The following KIF3A variants were observed in gnomAD, a reference collection of about 807,000 sequenced individuals.
KIF3A encodes kinesin-like protein KIF3A.
In KIF3A, 27 loss-of-function variants were observed where a neutral mutation model predicts 92.6. That is an observed-to-expected ratio of 0.29 (90% CI 0.21 to 0.40). The LOEUF (loss-of-function observed/expected upper bound fraction) is 0.40, where lower values mean the gene tolerates loss of function less well. Among genes scored for constraint, KIF3A ranks in the 10% least tolerant of loss-of-function variants. KIF3A has a pLI of 1.00. For synonymous variants in KIF3A, 250 were observed against 275.4 expected (o/e 0.91, Z 0.92); for missense variants, 581 against 872.6 (o/e 0.67, Z 4.21).
chr5:132,696,663 C>A lies in KIF3A; in HGVS notation c.2152G>T (p.Glu718Ter). ...TGCAGTAAAGAGTCAATTACAGTTT[C>A]AGGCTTTGCAGAACGCTTTCTGTTT... is the stretch of plus-strand genomic sequence containing the variant. ...TGRRKRSAKP[E>*]TVIDSLLQ Residue 718 changes from glutamate to a stop codon, truncating the protein, a stop_gained, in exon 19 of 19, where the codon GAA becomes TAA. Coordinates refer to ENST00000403231, the MANE Select transcript of KIF3A (RefSeq NM_001300791.2). LOFTEE classifies it high-confidence loss of function. The A allele has an allele frequency of 1.9e-6, 3 of 1,611,018 alleles. No individual in the cohort carries two copies. The highest frequency in any genetic ancestry group is 2.5e-6 in the Non-Finnish European group (3 of 1,177,352).
intron 2 of KIF3A, among the ~76,000 whole-genome samples, chr5:132,728,100 C>T (rs947730308): frequency 3.9e-5 from 6 of 152,132 alleles, no homozygotes; most frequent in Admixed American, 3.3e-4. Flanking sequence ...TCATAGACTG[C>T]ATTTCAGAAT....
intron 5 of KIF3A, among the ~76,000 whole-genome samples, chr5:132,717,701 G>A (rs1178951652): frequency 6.7e-6 from 1 of 149,326 alleles, no homozygotes; most frequent in Non-Finnish European, 1.5e-5. Context: ...TGAATATATT[G>A]TGTAAACAAA....
chr5:132,724,664 G>C (rs1341926920), intron 4 of KIF3A, among the ~76,000 whole-genome samples: 1 of 150,998 alleles, frequency 6.6e-6, no homozygotes, highest in African/African-American at 2.4e-5. Flanking sequence ...GAGTGGGGAG[G>C]GATAGCATTA....
rs931732639 is a variant in KIF3A at position 132,694,169 on chromosome 5, G to C, written c.*2465C>G. On this transcript the variant is annotated 3_prime_UTR_variant, in exon 19 of 19. Transcript: ENST00000403231. ...TGTAATCCCAGCACTTCGGGAGCCT[G>C]AGGCGGGTGGATCACTTAAGCTCTA... is the stretch of plus-strand genomic sequence containing the variant. 5 of 152,186 alleles carry C rather than the reference G, an allele frequency of 3.3e-5. No individual in the cohort carries two copies. The highest frequency in any genetic ancestry group is 7.4e-5 in the Non-Finnish European group (5 of 68,022). The allele number at this position is 152,186 out of a possible 1,614,324, so 9.4% of individuals were successfully genotyped here.
At chr5:132,713,611 A>C (rs970665381) in intron 8 of KIF3A, among the ~76,000 whole-genome samples, 4 of 150,380 alleles carry the variant, frequency 2.7e-5, no homozygotes, top group African/African-American at 1.0e-4. Context: ...CAGCAATTCC[A>C]TTGCTGGGTA....
intron 12 of KIF3A, 57 bp downstream of exon 12, chr5:132,703,406 T>C: frequency 7.0e-7 from 1 of 1,435,250 alleles, no homozygotes; most frequent in Non-Finnish European, 9.6e-7. Flanking sequence ...ATTTTATATA[T>C]CCTAGGAAAA....
intron 4 of KIF3A, among the ~76,000 whole-genome samples, chr5:132,724,392 C>A (rs1050040772): frequency 2.0e-5 from 3 of 152,100 alleles, no homozygotes; most frequent in African/African-American, 7.2e-5. Context: ...TGGAACCAAC[C>A]CAAATGTCCA....
rs1338179323 is a variant in KIF3A at position 132,725,755 on chromosome 5, G to A, written c.510+373C>T. On this transcript the variant is annotated intron_variant, in intron 4 of 18. Transcript: ENST00000403231. Reference sequence around the variant, plus strand: ...TAATGCTGGCTGCTGTTCTACAAATGCTCTATATTATTCTACAATGGCAGC... The same window carrying A: ...TAATGCTGGCTGCTGTTCTACAAATACTCTATATTATTCTACAATGGCAGC... Among the ~76,000 whole-genome samples the A allele has an allele frequency of 2.6e-5, 4 of 152,090 alleles. No individual in the cohort carries two copies. The East Asian group carries it at 7.7e-4, about 29-fold the overall frequency.
intron 2 of KIF3A, among the ~76,000 whole-genome samples, chr5:132,727,330 GATGAGTATTCAGA>G (rs1223164117): frequency 2.0e-5 from 3 of 152,182 alleles, no homozygotes; most frequent in Admixed American, 6.5e-5. Context: ...TTATCATGAT[GATGAGTATTCAGA>G]ATGAGAAACA....
intron 2 of KIF3A, among the ~76,000 whole-genome samples, chr5:132,734,001 T>C (rs901894008): frequency 2.0e-5 from 3 of 152,204 alleles, no homozygotes; most frequent in Admixed American, 2.0e-4. Context: ...AGCAGATCAA[T>C]AGTTGCTTGG....
chr5:132,702,263 A>G, intron 14 of KIF3A, 51 bp from the exon 15 acceptor site: 4 of 1,573,986 alleles, frequency 2.5e-6, no homozygotes, highest in Non-Finnish European at 3.5e-6. Context: ...TTTAACTACA[A>G]AACAGCACCA....
chr5:132,727,520 G>A (rs1754075000), intron 2 of KIF3A, among the ~76,000 whole-genome samples: 1 of 152,150 alleles, frequency 6.6e-6, no homozygotes, highest in Non-Finnish European at 1.5e-5. Flanking sequence ...GAAAAAGAAT[G>A]GAAATTTTGA....
At position 132,694,196 on chromosome 5, in the gene KIF3A, G is replaced by A. The variant is rs777445965; in HGVS notation, c.*2438C>T. 5 of 152,128 alleles carry A rather than the reference G, an allele frequency of 3.3e-5. No homozygotes were observed. The highest frequency in any genetic ancestry group is 7.3e-5 in the African/African-American group (3 of 41,366). 9.4% of individuals were successfully genotyped at this position (152,128 alleles called of 1,614,324 possible). ...GGCGGGTGGATCACTTAAGCTCTAG[G>A]AGTTCAAGACAGGCCCGGGCAACAT... On this transcript the variant is annotated 3_prime_UTR_variant, in exon 19 of 19. Transcript: ENST00000403231.
chr5:132,714,343 A>G (rs1454760553), intron 8 of KIF3A, among the ~76,000 whole-genome samples: 2 of 152,232 alleles, frequency 1.3e-5, no homozygotes, highest in Non-Finnish European at 2.9e-5. Flanking sequence ...AAAACTGAAG[A>G]CGGATAACTG....
Position 132,726,223 on chromosome 5 carries a change from T to C in KIF3A, c.426-11A>G, listed in dbSNP as rs773091054. Reference sequence around the variant, plus strand: ...ACTCGAACCAAAAATCTATAAAACATCATTTTTAAAAAGTCAAAGAGTGAA... The same window carrying C: ...ACTCGAACCAAAAATCTATAAAACACCATTTTTAAAAAGTCAAAGAGTGAA... On this transcript the variant is annotated splice_polypyrimidine_tract_variant and intron_variant, in intron 3 of 18. Transcript: ENST00000403231. 4.7e-5 allele frequency: 75 copies of C among 1,597,036 alleles called. No homozygotes were observed. The highest frequency in any genetic ancestry group is 8.8e-5 in the Admixed American group (5 of 57,096).
Position 132,708,988 on chromosome 5 carries a change from A to C in KIF3A, c.1229-10T>G, listed in dbSNP as rs1753322724. ...CTGCTGCTGCTACTGCCTGGAAAAC[A>C]AAGAAATGAGCCCAACAGGAACCAA... is the stretch of plus-strand genomic sequence containing the variant. On this transcript the variant is annotated splice_polypyrimidine_tract_variant and intron_variant, in intron 9 of 18. Coordinates refer to ENST00000403231, the MANE Select transcript of KIF3A (RefSeq NM_001300791.2). 1.3e-6 allele frequency: 2 copies of C among 1,545,910 alleles called. No individual in the cohort carries two copies. The highest frequency in any genetic ancestry group is 1.7e-6 in the Non-Finnish European group (2 of 1,142,934).
chr5:132,719,607 A>G (rs1373420943), intron 5 of KIF3A, among the ~76,000 whole-genome samples: 1 of 151,482 alleles, frequency 6.6e-6, no homozygotes, highest in Admixed American at 6.6e-5. Flanking sequence ...TTCTCCTGCC[A>G]CAGCCTCCCG....
intron 8 of KIF3A, among the ~76,000 whole-genome samples, chr5:132,711,701 G>C (rs1398702068): frequency 6.6e-6 from 1 of 152,000 alleles, no homozygotes; most frequent in Non-Finnish European, 1.5e-5. Context: ...GATCACTTTT[G>C]AGGAACAATT....
chr5:132,701,742 TAC>T (rs142613533), intron 15 of KIF3A, among the ~76,000 whole-genome samples: 7 of 151,386 alleles, frequency 4.6e-5, no homozygotes, highest in Admixed American at 4.0e-4. Context: ...TTTTACCATA[TAC>T]ACACACACAC....
Sources: allele counts gnomAD v4.1 joint callset (sites outside exome capture counted in the v4.1 genomes callset), GRCh38; gene constraint gnomAD v4.1.1; transcripts MANE v1.5; gene names NCBI Gene and HGNC (gene_info 2026-07-23, HGNC 2026-07-21).